HHAT: variants seen among roughly 807,000 people sequenced by gnomAD.
HHAT encodes protein-cysteine N-palmitoyltransferase HHAT.
A neutral mutation model predicts 70.8 loss-of-function variants in HHAT; 47 were observed. The ratio of observed to expected loss-of-function variants is 0.66; its 90% CI spans 0.53 to 0.85. HHAT has a LOEUF of 0.85. HHAT is among the 40% of genes least tolerant of loss of function. HHAT has a pLI of 0.00. For synonymous variants in HHAT, 228 were observed against 247.6 expected (o/e 0.92, Z 0.74); for missense variants, 609 against 604.8 (o/e 1.01, Z -0.07).
At chr1:210,422,367 T>C (rs1201093393) in intron 7 of HHAT, among the ~76,000 whole-genome samples, 7 of 152,206 alleles carry the variant, frequency 4.6e-5, no homozygotes, top group Non-Finnish European at 1.0e-4. Flanking sequence ...CTTGAACTTA[T>C]TCTACCTATT....
At chr1:210,591,295 A>C (rs182564034) in intron 10 of HHAT, among the ~76,000 whole-genome samples, 3 of 152,284 alleles carry the variant, frequency 2.0e-5, no homozygotes, top group Admixed American at 1.3e-4. Context: ...CAAACAAGTG[A>C]GAACAGGTGA....
At chr1:210,340,032 A>G (rs1283165604) in intron 1 of HHAT, among the ~76,000 whole-genome samples, 4 of 151,980 alleles carry the variant, frequency 2.6e-5, no homozygotes, top group Admixed American at 2.6e-4. Context: ...GTTGAAGAAT[A>G]AGTCTTTGTA....
intron 11 of HHAT, among the ~76,000 whole-genome samples, chr1:210,641,895 C>G (rs531028262): frequency 6.6e-6 from 1 of 152,358 alleles, no homozygotes; most frequent in Admixed American, 6.5e-5. Flanking sequence ...TTCTTACACC[C>G]TCTTCCACAA....
intron 11 of HHAT, among the ~76,000 whole-genome samples, chr1:210,672,060 G>C (rs1680200051): frequency 6.6e-6 from 1 of 152,202 alleles, no homozygotes; most frequent in Non-Finnish European, 1.5e-5. Context: ...CACTGTGCAA[G>C]TCTTTACATC....
At position 210,386,305 on chromosome 1, in the gene HHAT, T is replaced by C. The variant is rs368731495; in HGVS notation, c.160-1163T>C. On this transcript the variant is annotated intron_variant, in intron 3 of 11. Coordinates refer to ENST00000261458, the MANE Select transcript of HHAT (RefSeq NM_018194.6). ...CCAGGCTGGAGTGCAGTGGCGGGAT[T>C]TCGGCTCACTGCAAGCTCCGCCTCC... is the stretch of plus-strand genomic sequence containing the variant. Among the ~76,000 whole-genome samples the C allele has an allele frequency of 6.7e-3, 922 of 137,206 alleles. 12 individuals carry two copies. Among genetic ancestry groups the C allele is most frequent in the African/African-American group, 0.023 (819 of 35,744 alleles). The allele number at this position is 137,206 out of a possible 152,430, so 90.0% of individuals were successfully genotyped here.
intron 1 of HHAT, among the ~76,000 whole-genome samples, chr1:210,348,376 C>T (rs539012087): frequency 3.6e-4 from 55 of 152,296 alleles, no homozygotes; most frequent in African/African-American, 1.3e-3. Context: ...GTTAGGATTA[C>T]AGGCATGAGC....
intron 9 of HHAT, among the ~76,000 whole-genome samples, chr1:210,573,673 T>G (rs1330380408): frequency 6.6e-6 from 1 of 152,220 alleles, no homozygotes; most frequent in Non-Finnish European, 1.5e-5. Flanking sequence ...AGGTTGGCAT[T>G]GGCATGTGTC....
intron 8 of HHAT, among the ~76,000 whole-genome samples, chr1:210,472,948 A>G (rs2094231383): frequency 6.6e-6 from 1 of 152,188 alleles, no homozygotes; most frequent in Admixed American, 6.5e-5. Context: ...AAGGGGTTGT[A>G]GAGACCAAGG....
intron 8 of HHAT, among the ~76,000 whole-genome samples, chr1:210,489,921 G>A (rs1401458171): frequency 6.6e-6 from 1 of 152,142 alleles, no homozygotes; most frequent in African/African-American, 2.4e-5. Context: ...GATTATTTCA[G>A]ATCAGTTGAG....
chr1:210,539,907 C>G (rs2095411382), intron 9 of HHAT, among the ~76,000 whole-genome samples: 1 of 152,196 alleles, frequency 6.6e-6, no homozygotes, highest in Non-Finnish European at 1.5e-5. Flanking sequence ...CAAGGGCATT[C>G]TCAGATCATC....
chr1:210,400,675 C>G lies in HHAT; in HGVS notation c.468+13C>G, dbSNP rs1460207230. 4 of 1,605,664 alleles carry G rather than the reference C, an allele frequency of 2.5e-6. No individual in the cohort carries two copies. The highest frequency in any genetic ancestry group is 2.2e-5 in the South Asian group (2 of 89,232). The stretch of plus-strand genomic sequence containing the variant: ...GGAAGAAGTTAAGGTAAGTGTTTTC[C>G]TGTTACCATTGGGAATCCAGAGAAG... On this transcript the variant is annotated intron_variant, in intron 5 of 11. Transcript: ENST00000261458.
intron 9 of HHAT, among the ~76,000 whole-genome samples, chr1:210,515,757 CAA>C (rs34971563): frequency 5.5e-4 from 44 of 80,304 alleles, no homozygotes; most frequent in African/African-American, 1.9e-3. Context: ...GACTCCGTCT[CAA>C]AAAAAAAAAA....
At chr1:210,415,889 C>T (rs2092706105) in intron 6 of HHAT, among the ~76,000 whole-genome samples, 1 of 152,058 alleles carries the variant, frequency 6.6e-6, no homozygotes, top group Admixed American at 6.5e-5. Flanking sequence ...GAACTCCTGA[C>T]CTCAGGTAAT....
intron 2 of HHAT, among the ~76,000 whole-genome samples, chr1:210,355,201 A>G (rs1387033364): frequency 6.6e-6 from 1 of 152,140 alleles, no homozygotes; most frequent in East Asian, 1.9e-4. Flanking sequence ...CTTATGTTCC[A>G]TTGGCTTGAT....
At chr1:210,487,750 T>C (rs1489042900) in intron 8 of HHAT, among the ~76,000 whole-genome samples, 4 of 152,182 alleles carry the variant, frequency 2.6e-5, no homozygotes, top group African/African-American at 4.8e-5. Flanking sequence ...GTATAAATTT[T>C]CCCTTTTATA....
intron 9 of HHAT, among the ~76,000 whole-genome samples, chr1:210,554,295 GA>G (rs2095553772): frequency 6.6e-6 from 1 of 152,176 alleles, no homozygotes; most frequent in African/African-American, 2.4e-5. Context: ...TGACTTTGAG[GA>G]AAACTCTGAC....
intron 2 of HHAT, among the ~76,000 whole-genome samples, chr1:210,361,899 A>C (rs1051596257): frequency 2.0e-5 from 3 of 152,062 alleles, no homozygotes; most frequent in African/African-American, 7.2e-5. Flanking sequence ...ATCGGCTCCC[A>C]CAGCATTCCT....
intron 3 of HHAT, among the ~76,000 whole-genome samples, chr1:210,387,139 A>G (rs994713266): frequency 6.6e-6 from 1 of 152,142 alleles, no homozygotes; most frequent in Non-Finnish European, 1.5e-5. Flanking sequence ...GCAAAATGGA[A>G]ATAATAATAG....
At chr1:210,658,483 G>C (rs1456918280) in intron 11 of HHAT, among the ~76,000 whole-genome samples, 1 of 152,084 alleles carries the variant, frequency 6.6e-6, no homozygotes, top group East Asian at 1.9e-4. Flanking sequence ...TGTATAGTTG[G>C]ATTAAAAAAC....
Sources: gnomAD v4.1 joint callset for allele counts (sites outside exome capture counted in the v4.1 genomes callset) on GRCh38, gnomAD v4.1.1 for gene constraint, MANE v1.5 for transcripts, NCBI Gene and HGNC (gene_info 2026-07-23, HGNC 2026-07-21) for gene names.